BRINP1: variants seen among roughly 807,000 people sequenced by gnomAD.
BRINP1 encodes the protein BMP/retinoic acid inducible neural specific 1, also known as BMP/retinoic acid-inducible neural-specific protein 1.
BRINP1 carries 17 observed loss-of-function variants against 72.9 expected under a neutral mutation model. The observed-to-expected ratio is 0.23, with a 90% CI of 0.16 to 0.35. The LOEUF (loss-of-function observed/expected upper bound fraction) is 0.35. Among genes scored for constraint, BRINP1 ranks in the 10% least tolerant of loss-of-function variants. The pLI, the probability that BRINP1 is intolerant of heterozygous loss-of-function variation, is 1.00. For missense variants in BRINP1, 850 were observed against 1,001.6 expected (o/e 0.85, Z 2.04); for synonymous variants, 418 against 378.5 (o/e 1.10, Z -1.21).
chr9:119,345,298 T>A (rs1298306336), intron 1 of BRINP1, among the ~76,000 whole-genome samples: 1 of 152,162 alleles, frequency 6.6e-6, no homozygotes, highest in Non-Finnish European at 1.5e-5. Flanking sequence ...TCCCTTGTGA[T>A]AAGAAGGTCT....
At chr9:119,223,854 A>G (rs1175609592) in intron 5 of BRINP1, among the ~76,000 whole-genome samples, 9 of 152,142 alleles carry the variant, frequency 5.9e-5, no homozygotes, top group Admixed American at 5.9e-4. Flanking sequence ...AAAAAAATAC[A>G]TAGGCACAAA....
At chr9:119,194,271 A>G (rs10984433) in intron 7 of BRINP1, among the ~76,000 whole-genome samples, 23,449 of 152,184 alleles carry the variant, frequency 0.15, 1,897 homozygotes, top group East Asian at 0.24. Flanking sequence ...GTTATACAGC[A>G]ATATATATTC....
intron 1 of BRINP1, among the ~76,000 whole-genome samples, chr9:119,317,543 A>T (rs1831137099): frequency 6.6e-6 from 1 of 152,362 alleles, no homozygotes; most frequent in East Asian, 1.9e-4. Flanking sequence ...ACGACAACAA[A>T]GGATTTAGAA....
intron 2 of BRINP1, among the ~76,000 whole-genome samples, chr9:119,263,772 T>C (rs1830520575): frequency 6.6e-6 from 1 of 151,978 alleles, no homozygotes; most frequent in East Asian, 1.9e-4. Context: ...CACGTCTGGC[T>C]AATTTTTTTG....
At chr9:119,217,094 G>A (rs1023778117) in intron 5 of BRINP1, among the ~76,000 whole-genome samples, 11 of 152,138 alleles carry the variant, frequency 7.2e-5, no homozygotes, top group Non-Finnish European at 1.2e-4. Context: ...CTACGGCAGC[G>A]GAGGTTCACA....
At chr9:119,364,894 G>A (rs891218796) in intron 1 of BRINP1, among the ~76,000 whole-genome samples, 3 of 152,230 alleles carry the variant, frequency 2.0e-5, no homozygotes, top group Non-Finnish European at 4.4e-5. Flanking sequence ...ATGCCGTAAC[G>A]GCATTGCTTT....
At chr9:119,276,804 T>C (rs1035284781) in intron 2 of BRINP1, among the ~76,000 whole-genome samples, 46 of 152,182 alleles carry the variant, frequency 3.0e-4, no homozygotes, top group African/African-American at 1.1e-3. Context: ...TAATTTCGTT[T>C]ATCTTCCCTT....
chr9:119,268,333 C>T (rs997330114), intron 2 of BRINP1, among the ~76,000 whole-genome samples: 3 of 148,650 alleles, frequency 2.0e-5, no homozygotes, highest in Admixed American at 1.4e-4. Flanking sequence ...CGAAACTCTA[C>T]CATAGCTGAT....
intron 2 of BRINP1, among the ~76,000 whole-genome samples, chr9:119,290,094 A>G (rs988827525): frequency 6.6e-6 from 1 of 152,250 alleles, no homozygotes; most frequent in Non-Finnish European, 1.5e-5. Context: ...TACATTCAAA[A>G]GAACAACAAC....
chr9:119,236,441 A>G (rs1367144325), intron 5 of BRINP1, among the ~76,000 whole-genome samples: 1 of 152,222 alleles, frequency 6.6e-6, no homozygotes, highest in African/African-American at 2.4e-5. Flanking sequence ...AAAGGTGGGT[A>G]CTTGGAAGGT....
chr9:119,295,773 C>G (rs1213245047), intron 2 of BRINP1, among the ~76,000 whole-genome samples: 1 of 152,126 alleles, frequency 6.6e-6, no homozygotes, highest in Non-Finnish European at 1.5e-5. Flanking sequence ...AGGGTTCCAA[C>G]CACACACAAT....
intron 2 of BRINP1, among the ~76,000 whole-genome samples, chr9:119,252,833 C>A (rs1314150699): frequency 6.6e-6 from 1 of 152,124 alleles, no homozygotes; most frequent in Admixed American, 6.6e-5. Flanking sequence ...CCCCCACCAC[C>A]AAATTACAAG....
intron 1 of BRINP1, among the ~76,000 whole-genome samples, chr9:119,359,165 TAC>T (rs1831603492): frequency 3.3e-5 from 5 of 152,200 alleles, no homozygotes; most frequent in African/African-American, 1.2e-4. Flanking sequence ...ACTAATTAAA[TAC>T]ACACATGCCT....
At chr9:119,287,546 C>T (rs747882234) in intron 2 of BRINP1, among the ~76,000 whole-genome samples, 5 of 152,078 alleles carry the variant, frequency 3.3e-5, no homozygotes, top group South Asian at 2.1e-4. Context: ...GCTTGTTCCC[C>T]GATGAACAAG....
At chr9:119,289,427 C>T (rs763329394) in intron 2 of BRINP1, among the ~76,000 whole-genome samples, 5 of 152,138 alleles carry the variant, frequency 3.3e-5, no homozygotes, top group Admixed American at 6.5e-5. Context: ...GATCAGTTAA[C>T]TCTGGCTGTT....
intron 2 of BRINP1, among the ~76,000 whole-genome samples, chr9:119,254,562 G>A (rs577463679): frequency 6.6e-6 from 1 of 152,274 alleles, no homozygotes; most frequent in South Asian, 2.1e-4. Context: ...AGATGAAGTG[G>A]AGGAACATAG....
intron 2 of BRINP1, among the ~76,000 whole-genome samples, chr9:119,310,966 T>A (rs1271059131): frequency 6.6e-6 from 1 of 152,214 alleles, no homozygotes; most frequent in Non-Finnish European, 1.5e-5. Flanking sequence ...TGGGTTCATA[T>A]GCACATTATG....
At chr9:119,187,164 G>A (rs778730210) in intron 7 of BRINP1, among the ~76,000 whole-genome samples, 3 of 151,716 alleles carry the variant, frequency 2.0e-5, no homozygotes, top group Non-Finnish European at 4.4e-5. Flanking sequence ...CTGCACCCAT[G>A]TCACATGGGC....
chr9:119,223,480 A>G (rs1830061102), intron 5 of BRINP1, among the ~76,000 whole-genome samples: 1 of 152,018 alleles, frequency 6.6e-6, no homozygotes, highest in African/African-American at 2.4e-5. Context: ...TGGCAACCAA[A>G]AGCACCTTGC....
Sources: allele counts gnomAD v4.1 joint callset (sites outside exome capture counted in the v4.1 genomes callset), GRCh38; gene constraint gnomAD v4.1.1; transcripts MANE v1.5; gene names NCBI Gene and HGNC (gene_info 2026-07-23, HGNC 2026-07-21).